The following AXDND1 variants were observed in gnomAD, a reference collection of about 807,000 sequenced individuals.
AXDND1 encodes the protein axonemal dynein light chain domain containing 1.
In AXDND1, 110 loss-of-function variants were observed where a neutral mutation model predicts 137.5. The observed-to-expected ratio is 0.80, with a 90% CI of 0.69 to 0.94. The LOEUF (loss-of-function observed/expected upper bound fraction) is 0.94. Among genes scored for constraint, AXDND1 ranks in the 40% least tolerant of loss-of-function variants. AXDND1 has a pLI of 0.00. For synonymous variants in AXDND1, 414 were observed against 399.7 expected (o/e 1.04, Z -0.43); for missense variants, 1,191 against 1,169.8 (o/e 1.02, Z -0.26).
At chr1:179,511,000 C>T (rs188455877) in intron 21 of AXDND1, among the ~76,000 whole-genome samples, 176 of 148,722 alleles carry the variant, frequency 1.2e-3, no homozygotes, top group African/African-American at 3.9e-3. Context: ...TATGGTGTTT[C>T]GTTTTCCATT....
At chr1:179,471,481 T>A (rs775572832) in intron 17 of AXDND1, among the ~76,000 whole-genome samples, 1 of 152,208 alleles carries the variant, frequency 6.6e-6, no homozygotes, top group Non-Finnish European at 1.5e-5. Flanking sequence ...AGTTATCTGA[T>A]TTGTTGGCAA....
At position 179,383,495 on chromosome 1, in the gene AXDND1, T is replaced by C. The variant is rs142797403; in HGVS notation, c.692T>C (p.Met231Thr). Residue 231 changes from methionine (M) to threonine (T), a missense_variant, in exon 8 of 26, where the codon ATG becomes ACG. By Grantham distance (81) the Met-to-Thr change is moderately conservative. Coordinates refer to ENST00000367618, the MANE Select transcript of AXDND1 (RefSeq NM_144696.6). ...VAQLNDVMDT[M>T]LERAGVENQE... Reference sequence around the variant, plus strand: ...CAGCTGAATGATGTGATGGATACTATGCTAGAGAGGGCTGGTGTGGAAAAT... The same window carrying C: ...CAGCTGAATGATGTGATGGATACTACGCTAGAGAGGGCTGGTGTGGAAAAT... 4.6e-5 allele frequency: 74 copies of C among 1,613,998 alleles called. No individual in the cohort carries two copies. Among genetic ancestry groups the C allele is most frequent in the Non-Finnish European group, 5.9e-5 (70 of 1,179,998 alleles).
chr1:179,422,217 G>A (rs183335422), intron 12 of AXDND1, among the ~76,000 whole-genome samples: 6 of 145,662 alleles, frequency 4.1e-5, no homozygotes, highest in Admixed American at 1.4e-4. Flanking sequence ...GTTATTTCCC[G>A]TCTTTCTATC....
At chr1:179,485,492 T>C (rs1665934187) in intron 18 of AXDND1, among the ~76,000 whole-genome samples, 1 of 152,014 alleles carries the variant, frequency 6.6e-6, no homozygotes, top group African/African-American at 2.4e-5. Context: ...TATACCTGAA[T>C]CAAACCTCCA....
intron 2 of AXDND1, among the ~76,000 whole-genome samples, chr1:179,367,508 C>T (rs986931446): frequency 7.4e-5 from 11 of 149,314 alleles, no homozygotes; most frequent in African/African-American, 2.5e-4. Context: ...AACGAGACTC[C>T]GTCTCAAATC....
chr1:179,442,567 T>A (rs1303010000), intron 15 of AXDND1, among the ~76,000 whole-genome samples: 2 of 152,210 alleles, frequency 1.3e-5, no homozygotes, highest in Non-Finnish European at 2.9e-5. Context: ...AACAAAATTT[T>A]AAGCAACTGT....
chr1:179,487,000 C>A (rs973856611), intron 18 of AXDND1, among the ~76,000 whole-genome samples: 1 of 148,282 alleles, frequency 6.7e-6, no homozygotes, highest in Non-Finnish European at 1.5e-5. Context: ...GGCTAAATGC[C>A]CCAATTAAAA....
intron 14 of AXDND1, 116 bp from the exon 15 acceptor site, chr1:179,432,151 T>G: frequency 7.6e-7 from 1 of 1,314,894 alleles, no homozygotes; most frequent in Non-Finnish European, 1.0e-6. Context: ...CTGGAAGGCA[T>G]GCTTCAAAAT....
intron 17 of AXDND1, among the ~76,000 whole-genome samples, chr1:179,479,347 T>C (rs1033031482): frequency 8.6e-5 from 13 of 151,884 alleles, no homozygotes; most frequent in African/African-American, 2.4e-4. Context: ...TGGTGGCACA[T>C]GCCTGTAATC....
intron 6 of AXDND1, among the ~76,000 whole-genome samples, chr1:179,380,288 A>T (rs1407621258): frequency 7.3e-6 from 1 of 137,314 alleles, no homozygotes; most frequent in African/African-American, 2.5e-5. Flanking sequence ...GATACAAATT[A>T]AAAAAAATAA....
At chr1:179,403,348 T>C (rs1652407057) in intron 11 of AXDND1, among the ~76,000 whole-genome samples, 3 of 152,198 alleles carry the variant, frequency 2.0e-5, no homozygotes, top group Admixed American at 6.5e-5. Context: ...CTACAGTACA[T>C]ATCAAGCATT....
chr1:179,541,971 T>C (rs964032834), intron 25 of AXDND1, among the ~76,000 whole-genome samples: 4 of 152,166 alleles, frequency 2.6e-5, no homozygotes, highest in Non-Finnish European at 5.9e-5. Flanking sequence ...AGAAACAGGA[T>C]ATGACATCAT....
intron 20 of AXDND1, among the ~76,000 whole-genome samples, chr1:179,499,408 T>C (rs1044840651): frequency 2.6e-5 from 4 of 152,128 alleles, no homozygotes; most frequent in African/African-American, 9.7e-5. Context: ...ATTATTTTAT[T>C]CACGTAAAAT....
At chr1:179,551,113 C>T (rs1673184401) in intron 25 of AXDND1, 41 of 1,606,816 alleles carry the variant, frequency 2.6e-5, no homozygotes, top group African/African-American at 2.7e-5. Flanking sequence ...GAGTGTCTCC[C>T]TCAGGCATGT....
intron 16 of AXDND1, among the ~76,000 whole-genome samples, chr1:179,457,509 C>G (rs1316456238): frequency 1.3e-5 from 2 of 152,144 alleles, no homozygotes; most frequent in Non-Finnish European, 2.9e-5. Context: ...TTTAGCTTCC[C>G]CCATACTTTG....
rs183148760 is a variant in AXDND1, at chr1:179,397,315, A to C, written c.1109+2113A>C. On this transcript the variant is annotated intron_variant, in intron 11 of 25. Coordinates refer to ENST00000367618, the MANE Select transcript of AXDND1 (RefSeq NM_144696.6). ...TAAAGAATGTTGAATATTGGCTTCC[A>C]ATCTCTTACGGCTTGTAGGGTTTCT... Among the ~76,000 whole-genome samples the C allele has an allele frequency of 2.2e-3, 342 of 152,272 alleles. 1 individual carries two copies. The highest frequency in any genetic ancestry group is 6.8e-3 in the Middle Eastern group (2 of 294).
chr1:179,486,054 G>A (rs1666000251), intron 18 of AXDND1, among the ~76,000 whole-genome samples: 1 of 143,606 alleles, frequency 7.0e-6, no homozygotes, highest in Non-Finnish European at 1.5e-5. Context: ...GGGAGGCGGA[G>A]GTTGCAGTGA....
rs779233043 is a variant in AXDND1 at position 179,370,100 on chromosome 1, A to G, written c.374+22A>G. ...GAAGGTAAAGAAGGAAGATAGTAGG[A>G]TAGATGCTGATAAATAGAGTTGTTT... On this transcript the variant is annotated intron_variant, in intron 4 of 25. Transcript: ENST00000367618. The G allele has an allele frequency of 4.8e-5, 74 of 1,550,138 alleles. 3 individuals are homozygous for G. The South Asian group carries it at 7.7e-4, about 16-fold the overall frequency.
chr1:179,449,988 A>ATTTTTTTTTTT (rs58716807), intron 16 of AXDND1: 1 of 65,370 alleles, frequency 1.5e-5, no homozygotes, highest in Non-Finnish European at 2.8e-5. Context: ...GCCAATCTGG[A>ATTTTTTTTTTT]TTTTTTTTTT....
Sources: allele counts gnomAD v4.1 joint callset (sites outside exome capture counted in the v4.1 genomes callset), GRCh38; gene constraint gnomAD v4.1.1; transcripts MANE v1.5; gene names NCBI Gene and HGNC (gene_info 2026-07-23, HGNC 2026-07-21).